Variants in GAD1 observed in about 807,000 individuals in gnomAD.
GAD1 encodes the protein glutamate decarboxylase 1.
In GAD1, 35 loss-of-function variants were observed where a neutral mutation model predicts 75.2. The ratio of observed to expected loss-of-function variants is 0.47; its 90% CI spans 0.36 to 0.62. GAD1 has a LOEUF of 0.62. GAD1 is among the 20% of genes least tolerant of loss of function. The pLI is 0.00. For synonymous variants in GAD1, 257 were observed against 271.9 expected, an observed-to-expected ratio of 0.95 and a Z score of 0.54; for missense variants, 490 against 758.5, an observed-to-expected ratio of 0.65 and a Z score of 4.16.
intron 3 of GAD1, among the ~76,000 whole-genome samples, chr2:170,826,567 C>CA (rs34462898): frequency 0.42 from 46,137 of 110,666 alleles, 9,548 homozygotes; most frequent in East Asian, 0.49. Context: ...GACTCCGTCT[C>CA]AAAAAAAAAA....
Position 170,851,549 on chromosome 2 carries a change from C to T in GAD1, c.1185-1165C>T, listed in dbSNP as rs114679618. ...GTCCTTTAACTAAAGGACCTAAGCA[C>T]GATGAAGAGGTTGAAAGTTCACAAC... On this transcript the variant is annotated intron_variant, in intron 12 of 16. Coordinates refer to ENST00000358196, the MANE Select transcript of GAD1 (RefSeq NM_000817.3). Among the ~76,000 whole-genome samples the T allele has an allele frequency of 3.5e-3, 526 of 152,188 alleles. 3 individuals carry two copies. The highest frequency in any genetic ancestry group is 0.011 in the African/African-American group (474 of 41,506).
At chr2:170,838,410 A>G (rs2105789683) in intron 6 of GAD1, among the ~76,000 whole-genome samples, 1 of 152,366 alleles carries the variant, frequency 6.6e-6, no homozygotes, top group East Asian at 1.9e-4. Context: ...GAGAAAAGAC[A>G]CTAATGTTTA....
chr2:170,842,816 C>A (rs1328123523), intron 6 of GAD1: 3 of 1,223,218 alleles, frequency 2.5e-6, no homozygotes, highest in Non-Finnish European at 3.3e-6. Flanking sequence ...ATTAATTTGA[C>A]TGCTTTTTTC....
At chr2:170,825,132 T>C (rs977220458) in intron 3 of GAD1, among the ~76,000 whole-genome samples, 1 of 152,054 alleles carries the variant, frequency 6.6e-6, no homozygotes, top group Non-Finnish European at 1.5e-5. Flanking sequence ...ACATCTGTAA[T>C]CCCAACACTT....
chr2:170,825,892 C>T (rs1702012944), intron 3 of GAD1, among the ~76,000 whole-genome samples: 1 of 151,994 alleles, frequency 6.6e-6, no homozygotes, highest in South Asian at 2.1e-4. Flanking sequence ...GGAGTACACT[C>T]GGCTTCATTC....
chr2:170,828,939 G>A, intron 3 of GAD1: 1 of 205,380 alleles, frequency 4.9e-6, no homozygotes. Flanking sequence ...TCATCTCTCT[G>A]CTGTCCTCAC....
At chr2:170,858,689 A>G (rs1702901595) in intron 15 of GAD1, 115 bp from the exon 16 acceptor site, 1 of 874,716 alleles carries the variant, frequency 1.1e-6, no homozygotes, top group Non-Finnish European at 1.9e-6. Context: ...TGAGATGAAC[A>G]TTCAACCTCT....
intron 2 of GAD1, 29 bp from the exon 3 acceptor site, chr2:170,822,058 C>G: frequency 1.3e-6 from 2 of 1,589,996 alleles, no homozygotes; most frequent in Non-Finnish European, 1.7e-6. Flanking sequence ...CCTCCCTAAC[C>G]GAACCTCTCT....
intron 7 of GAD1, among the ~76,000 whole-genome samples, chr2:170,844,439 C>G (rs1441033216): frequency 7.4e-6 from 1 of 135,756 alleles, no homozygotes; most frequent in African/African-American, 2.8e-5. Context: ...GACAGGGTCT[C>G]ACTCTGTCAT....
intron 3 of GAD1, among the ~76,000 whole-genome samples, chr2:170,824,950 G>GTA (rs1408832122): frequency 6.6e-6 from 1 of 151,518 alleles, no homozygotes. Flanking sequence ...GTGTGTGTGT[G>GTA]TATGTATGTG....
At chr2:170,820,709 CT>C (rs1701854163) in intron 2 of GAD1, among the ~76,000 whole-genome samples, 1 of 152,328 alleles carries the variant, frequency 6.6e-6, no homozygotes, top group Middle Eastern at 3.4e-3. Flanking sequence ...CTCCCTTTCC[CT>C]TTCTTTCATT....
chr2:170,840,648 G>A (rs1297761301), intron 6 of GAD1, among the ~76,000 whole-genome samples: 2 of 129,522 alleles, frequency 1.5e-5, no homozygotes, highest in African/African-American at 5.8e-5. Context: ...AGGAAAGGAG[G>A]GAGGTAGGGA....
Position 170,852,698 on chromosome 2 carries a change from C to A in GAD1, c.1185-16C>A. On this transcript the variant is annotated splice_polypyrimidine_tract_variant and intron_variant, in intron 12 of 16. Transcript: ENST00000358196. ...CAACTCCTGCACCTTCTCGAAGTCT[C>A]ATGTGCTTCTTTCAGGGCCAACTCA... is the stretch of plus-strand genomic sequence containing the variant. 1 of 1,612,828 alleles carries A rather than the reference C, an allele frequency of 6.2e-7. No homozygotes were observed. The highest frequency in any genetic ancestry group is 8.5e-7 in the Non-Finnish European group (1 of 1,178,748).
intron 7 of GAD1, among the ~76,000 whole-genome samples, chr2:170,844,516 C>T (rs1050585896): frequency 6.6e-6 from 1 of 151,126 alleles, no homozygotes; most frequent in African/African-American, 2.4e-5. Flanking sequence ...TCAAGCAATC[C>T]TCCTGCTTCA....
chr2:170,843,788 A>T, intron 6 of GAD1: 1 of 484,304 alleles, frequency 2.1e-6, no homozygotes, highest in Non-Finnish European at 3.7e-6. Context: ...AAGACATTCC[A>T]TTCAGATAAG....
Position 170,818,669 on chromosome 2 carries a change from C to T in GAD1, c.78C>T (p.Pro26=). Reference sequence around the variant, plus strand: ...ACCCCAATACCACTAACCTGCGCCCCACAAGTAGGTCCCGCCCCAATTTTC... The same window carrying T: ...ACCCCAATACCACTAACCTGCGCCCTACAAGTAGGTCCCGCCCCAATTTTC... ...GADPNTTNLR[P]TTYDTWCGVA... is the part of the protein sequence containing the mutation. Residue 26 remains proline, a synonymous_variant, in exon 2 of 17, where the codon CCC becomes CCT. Coordinates refer to ENST00000358196, the MANE Select transcript of GAD1 (RefSeq NM_000817.3). The surrounding 1 kb of genome is among the most constrained non-coding windows in gnomAD (Gnocchi z 5.9). 1 of 1,614,068 alleles carries T rather than the reference C, an allele frequency of 6.2e-7. No homozygotes were observed. Among genetic ancestry groups the T allele is most frequent in the Non-Finnish European group, 8.5e-7 (1 of 1,179,916 alleles).
intron 12 of GAD1, among the ~76,000 whole-genome samples, chr2:170,850,179 A>T (rs1236016999): frequency 6.6e-6 from 1 of 152,256 alleles, no homozygotes; most frequent in African/African-American, 2.4e-5. Context: ...ATAAGGCAGT[A>T]TATGAAAGGT....
intron 15 of GAD1, among the ~76,000 whole-genome samples, chr2:170,857,584 A>G (rs1702878287): frequency 1.3e-5 from 2 of 152,180 alleles, no homozygotes; most frequent in African/African-American, 4.8e-5. Context: ...TGTCTCTATA[A>G]GAAAAAATAT....
At chr2:170,829,870 A>G in intron 4 of GAD1, 1 of 527,586 alleles carries the variant, frequency 1.9e-6, no homozygotes, top group Non-Finnish European at 3.4e-6. Context: ...AACTCTAAAG[A>G]CACTCGAGGG....
Sources: allele counts gnomAD v4.1 joint callset (sites outside exome capture counted in the v4.1 genomes callset), GRCh38; gene constraint gnomAD v4.1.1; non-coding constraint Gnocchi (gnomAD v3.1); transcripts MANE v1.5; gene names NCBI Gene and HGNC (gene_info 2026-07-23, HGNC 2026-07-21).